The following CCDC12 variants were observed in gnomAD, a reference collection of about 807,000 sequenced individuals.
CCDC12 encodes the protein coiled-coil domain-containing protein 12.
A neutral mutation model predicts 25.7 loss-of-function variants in CCDC12; 28 were observed. That is an observed-to-expected ratio of 1.09 (90% CI 0.81 to 1.50). The LOEUF (loss-of-function observed/expected upper bound fraction) is 1.50. Among genes scored for constraint, CCDC12 ranks in the 40% most tolerant of loss-of-function variants. The pLI, the probability that CCDC12 is intolerant of heterozygous loss-of-function variation, is 0.00. For synonymous variants in CCDC12, 75 were observed against 87.7 expected, an observed-to-expected ratio of 0.86 and a Z score of 0.81; for missense variants, 198 against 210.0, an observed-to-expected ratio of 0.94 and a Z score of 0.35.
intron 2 of CCDC12, among the ~76,000 whole-genome samples, chr3:46,939,537 C>T (rs913388018): frequency 6.6e-6 from 1 of 152,138 alleles, no homozygotes; most frequent in East Asian, 1.9e-4. Context: ...ACCCATAAAG[C>T]CACATATGTT....
intron 1 of CCDC12, among the ~76,000 whole-genome samples, chr3:46,961,401 C>T (rs10510753): frequency 0.068 from 10,377 of 152,238 alleles, 1,187 homozygotes; most frequent in African/African-American, 0.23. Flanking sequence ...AAGCAACTAT[C>T]GGAGGTAACA....
At chr3:46,951,792 A>AT (rs1439046255) in intron 1 of CCDC12, among the ~76,000 whole-genome samples, 30 of 24,966 alleles carry the variant, frequency 1.2e-3, no homozygotes, top group Admixed American at 1.9e-3. Flanking sequence ...AAAAAAAAAA[A>AT]AAAAAAATAT....
At chr3:46,932,498 G>A (rs987207699) in intron 2 of CCDC12, among the ~76,000 whole-genome samples, 8 of 152,240 alleles carry the variant, frequency 5.3e-5, no homozygotes, top group African/African-American at 1.7e-4. Context: ...CAAGGCAACT[G>A]TGGCCCCAGC....
At chr3:46,963,777 G>A (rs2034540863) in intron 1 of CCDC12, among the ~76,000 whole-genome samples, 1 of 152,228 alleles carries the variant, frequency 6.6e-6, no homozygotes, top group African/African-American at 2.4e-5. Flanking sequence ...GCCCAGGCTG[G>A]AGTGCAGTGG....
chr3:46,922,083 C>A lies in CCDC12; in HGVS notation c.475G>T (p.Glu159Ter). 1.2e-6 allele frequency: 2 copies of A among 1,614,164 alleles called. No individual in the cohort carries two copies. Among genetic ancestry groups the A allele is most frequent in the Non-Finnish European group, 1.7e-6 (2 of 1,180,038 alleles). Residue 159 changes from glutamate (E) to a stop codon, truncating the protein, a stop_gained, in exon 7 of 7, where the codon GAA (glutamate) becomes TAA (stop). Transcript: ENST00000683445. LOFTEE classifies it high-confidence loss of function. ...SLASAVDAAT[E>*]QKTCDSD ...CAGTCGGAGTCACAGGTCTTTTGTT[C>A]GGTGGCAGCATCCACTGCAGAGGCT...
chr3:46,981,299 G>A (rs533722724), upstream of CCDC12, among the ~76,000 whole-genome samples: 10 of 152,080 alleles, frequency 6.6e-5, no homozygotes, highest in Non-Finnish European at 1.0e-4. Context: ...AAAATTAGCC[G>A]GGCGTGGTGG....
At chr3:46,928,245 A>C (rs1484856279) in intron 2 of CCDC12, among the ~76,000 whole-genome samples, 1 of 152,172 alleles carries the variant, frequency 6.6e-6, no homozygotes, top group Admixed American at 6.5e-5. Context: ...TGTCTCAAAA[A>C]AAAAAAATGT....
intron 1 of CCDC12, among the ~76,000 whole-genome samples, chr3:46,965,719 T>G (rs2034616907): frequency 6.6e-6 from 1 of 152,218 alleles, no homozygotes; most frequent in Non-Finnish European, 1.5e-5. Flanking sequence ...CCCATCCCTC[T>G]GGCTCCATCT....
chr3:46,963,727 G>T (rs1397215489), intron 1 of CCDC12, among the ~76,000 whole-genome samples: 6 of 152,388 alleles, frequency 3.9e-5, no homozygotes, highest in Admixed American at 6.5e-5. Flanking sequence ...CGAGGTGCCG[G>T]GATTGCAGAT....
In CCDC12 at chr3:46,976,452, G is replaced by C. The variant is rs544276228; in HGVS notation, c.96+185C>G. ...GCGCGACGACCGCACCAGCGCCAGAGGAGTCCCACGCCAAGCAGCCCCAGA... is the reference window on the plus strand; with the variant it reads ...GCGCGACGACCGCACCAGCGCCAGACGAGTCCCACGCCAAGCAGCCCCAGA... On this transcript the variant is annotated intron_variant, in intron 1 of 6. Coordinates refer to ENST00000683445, the MANE Select transcript of CCDC12 (RefSeq NM_001277074.2). 3.8e-5 allele frequency: 54 copies of C among 1,423,954 alleles called. No homozygotes were observed. The South Asian group carries it at 6.5e-4, about 17-fold the overall frequency. 88.2% of individuals were successfully genotyped at this position (1,423,954 alleles called of 1,614,324 possible).
At chr3:46,980,741 C>A (rs2107235814), upstream of CCDC12, among the ~76,000 whole-genome samples, 1 of 152,216 alleles carries the variant, frequency 6.6e-6, no homozygotes, top group African/African-American at 2.4e-5. Context: ...AACCTGGTAT[C>A]ACTCACACCG....
chr3:46,934,762 G>T lies in CCDC12; in HGVS notation c.164+6236C>A, dbSNP rs76629033. 5.8e-3 allele frequency among the ~76,000 whole-genome samples: 887 copies of T among 151,952 alleles called. 11 individuals are homozygous for T. Among genetic ancestry groups the T allele is most frequent in the African/African-American group, 0.021 (859 of 41,410 alleles). ...GTCAGGAAAAACGAGGCAGTCGTGG[G>T]TCCCTGTGCTGCTGCTTCAGCAGGA... On this transcript the variant is annotated intron_variant, in intron 2 of 6. Coordinates refer to ENST00000683445, the MANE Select transcript of CCDC12 (RefSeq NM_001277074.2).
At chr3:46,975,688 G>C (rs979718125) in intron 1 of CCDC12, among the ~76,000 whole-genome samples, 3 of 151,446 alleles carry the variant, frequency 2.0e-5, no homozygotes, top group African/African-American at 7.3e-5. Flanking sequence ...CCGCCACCAC[G>C]CCCGGCTAAT....
intron 1 of CCDC12, among the ~76,000 whole-genome samples, chr3:46,953,965 T>C (rs1280747964): frequency 6.6e-6 from 1 of 152,134 alleles, no homozygotes; most frequent in African/African-American, 2.4e-5. Flanking sequence ...TAGGACTTCC[T>C]CACCATTCTA....
intron 1 of CCDC12, among the ~76,000 whole-genome samples, chr3:46,971,868 A>G (rs1486970841): frequency 1.3e-5 from 2 of 152,176 alleles, no homozygotes; most frequent in Non-Finnish European, 2.9e-5. Context: ...GTCACATCAG[A>G]AACCTGAACT....
At chr3:46,923,188 A>G in intron 5 of CCDC12, 141 bp downstream of exon 5, 1 of 898,430 alleles carries the variant, frequency 1.1e-6, no homozygotes, top group Non-Finnish European at 1.5e-6. Context: ...ACTGGTTTCC[A>G]ACAGTAGCTA....
At chr3:46,954,038 G>A (rs2034209830) in intron 1 of CCDC12, among the ~76,000 whole-genome samples, 1 of 152,162 alleles carries the variant, frequency 6.6e-6, no homozygotes, top group African/African-American at 2.4e-5. Context: ...CATGCAGATT[G>A]GAAGACCCCT....
chr3:46,924,528 T>C (rs2032850404), intron 3 of CCDC12, among the ~76,000 whole-genome samples: 1 of 152,238 alleles, frequency 6.6e-6, no homozygotes. Context: ...TTTATTCACT[T>C]GTTACTTATG....
intron 1 of CCDC12, among the ~76,000 whole-genome samples, chr3:46,965,031 A>T (rs780345062): frequency 1.3e-5 from 2 of 152,124 alleles, no homozygotes; most frequent in Non-Finnish European, 2.9e-5. Flanking sequence ...GACCATAAGG[A>T]AAAAGTCCTC....
Sources: allele counts gnomAD v4.1 joint callset (sites outside exome capture counted in the v4.1 genomes callset), GRCh38; gene constraint gnomAD v4.1.1; transcripts MANE v1.5; gene names NCBI Gene and HGNC (gene_info 2026-07-23, HGNC 2026-07-21).